Variants in SUCLG2 observed in about 807,000 individuals in gnomAD.
SUCLG2 encodes succinate--CoA ligase [GDP-forming] subunit beta, mitochondrial.
Under a neutral mutation model 47.9 loss-of-function variants are expected in SUCLG2, and 42 were observed. That is an observed-to-expected ratio of 0.88 (90% confidence interval 0.69 to 1.14). The LOEUF (loss-of-function observed/expected upper bound fraction) is 1.14. Among genes scored for constraint, SUCLG2 ranks in the 50% most tolerant of loss-of-function variants. The pLI is 0.00. For synonymous variants in SUCLG2, 195 were observed against 197.3 expected (o/e 0.99, Z 0.10); for missense variants, 571 against 525.9 (o/e 1.09, Z -0.84).
intron 10 of SUCLG2, among the ~76,000 whole-genome samples, chr3:67,388,160 G>A (rs1317532365): frequency 2.6e-5 from 4 of 152,210 alleles, no homozygotes; most frequent in African/African-American, 9.6e-5. Context: ...GGAATTGAAT[G>A]TGATAGCTCA....
At chr3:67,490,776 A>G (rs1705183265) in intron 9 of SUCLG2, among the ~76,000 whole-genome samples, 1 of 152,204 alleles carries the variant, frequency 6.6e-6, no homozygotes, top group Non-Finnish European at 1.5e-5. Flanking sequence ...TCATGTCTAT[A>G]GATGAGGTAA....
intron 2 of SUCLG2, among the ~76,000 whole-genome samples, chr3:67,593,134 A>G (rs1473389668): frequency 6.6e-6 from 1 of 152,268 alleles, no homozygotes; most frequent in African/African-American, 2.4e-5. Context: ...GGTTTTAAAG[A>G]TAGATACCAC....
intron 6 of SUCLG2, among the ~76,000 whole-genome samples, chr3:67,515,344 T>C (rs1176450582): frequency 6.6e-6 from 1 of 152,164 alleles, no homozygotes; most frequent in Non-Finnish European, 1.5e-5. Context: ...CCTCCACAGA[T>C]AAGGGGGAAC....
intron 1 of SUCLG2, among the ~76,000 whole-genome samples, chr3:67,620,503 T>G (rs1700715192): frequency 7.2e-6 from 1 of 139,188 alleles, no homozygotes; most frequent in Non-Finnish European, 1.5e-5. Flanking sequence ...GAGAACAGCT[T>G]GAACGCAGGA....
chr3:67,592,737 CAACAAA>C (rs1386374184), intron 2 of SUCLG2, among the ~76,000 whole-genome samples: 5 of 35,278 alleles, frequency 1.4e-4, no homozygotes, highest in African/African-American at 3.8e-4. Context: ...AAAAAAAAAA[CAACAAA>C]AAAAAACTGA....
At chr3:67,382,187 T>C (rs138064702) in intron 10 of SUCLG2, among the ~76,000 whole-genome samples, 426 of 152,316 alleles carry the variant, frequency 2.8e-3, no homozygotes, top group African/African-American at 9.6e-3. Context: ...TTAAGGGATT[T>C]ACAAGTATCA....
chr3:67,563,959 C>CAAAAAAAAAAAAAAA (rs756674869), intron 2 of SUCLG2, among the ~76,000 whole-genome samples: 3 of 78,184 alleles, frequency 3.8e-5, no homozygotes, highest in African/African-American at 9.1e-5. Context: ...GACTCTGTCT[C>CAAAAAAAAAAAAAAA]AAAAAAAAAA....
chr3:67,584,694 G>C (rs1365705745), intron 2 of SUCLG2, among the ~76,000 whole-genome samples: 2 of 152,156 alleles, frequency 1.3e-5, no homozygotes, highest in African/African-American at 2.4e-5. Flanking sequence ...AAGGAAAGAG[G>C]TTTAATTAAC....
chr3:67,555,948 G>A (rs1022642534), intron 2 of SUCLG2, among the ~76,000 whole-genome samples: 4 of 152,206 alleles, frequency 2.6e-5, no homozygotes, highest in Admixed American at 6.5e-5. Context: ...GACAGGCCAT[G>A]TGCCTTCTGA....
intron 10 of SUCLG2, among the ~76,000 whole-genome samples, chr3:67,398,517 A>C (rs1360426716): frequency 6.6e-6 from 1 of 151,858 alleles, no homozygotes; most frequent in Non-Finnish European, 1.5e-5. Context: ...AAAGTCAGGA[A>C]ACAACAGGTG....
chr3:67,555,289 G>C (rs935684208), intron 2 of SUCLG2, among the ~76,000 whole-genome samples: 1 of 152,082 alleles, frequency 6.6e-6, no homozygotes, highest in Non-Finnish European at 1.5e-5. Context: ...GGTTGCAGAT[G>C]CATGTTTATG....
chr3:67,516,894 A>AGGGCTCTT (rs1357381995), intron 6 of SUCLG2, among the ~76,000 whole-genome samples: 2 of 152,242 alleles, frequency 1.3e-5, no homozygotes, highest in African/African-American at 4.8e-5. Context: ...CCACTGCTAC[A>AGGGCTCTT]GGAGAAGCCC....
chr3:67,413,432 G>A (rs181197036), intron 9 of SUCLG2, among the ~76,000 whole-genome samples: 2 of 152,266 alleles, frequency 1.3e-5, no homozygotes, highest in Admixed American at 1.3e-4. Flanking sequence ...AGACAAACTC[G>A]AGAAGATGGT....
chr3:67,436,061 T>C (rs1430107472), intron 9 of SUCLG2, among the ~76,000 whole-genome samples: 3 of 152,110 alleles, frequency 2.0e-5, no homozygotes, highest in African/African-American at 7.2e-5. Context: ...TCTAAAAAAA[T>C]TAAGGGCAAA....
At chr3:67,611,881 G>A (rs9836781) in intron 1 of SUCLG2, among the ~76,000 whole-genome samples, 74,092 of 152,014 alleles carry the variant, frequency 0.49, 18,974 homozygotes, top group African/African-American at 0.64. Context: ...CTTGAAGTCT[G>A]TTGCTCTTAA....
chr3:67,554,617 C>G (rs1228849255), intron 2 of SUCLG2, among the ~76,000 whole-genome samples: 2 of 151,954 alleles, frequency 1.3e-5, no homozygotes, highest in Non-Finnish European at 2.9e-5. Flanking sequence ...GTTAAGGGAC[C>G]AAAAAATTAA....
intron 2 of SUCLG2, among the ~76,000 whole-genome samples, chr3:67,570,862 T>C (rs760018896): frequency 3.3e-5 from 5 of 152,212 alleles, no homozygotes; most frequent in Non-Finnish European, 2.9e-5. Flanking sequence ...AATGTAATAG[T>C]AATCATGAGC....
chr3:67,547,059 G>T (rs533522298), intron 2 of SUCLG2, among the ~76,000 whole-genome samples: 1 of 152,100 alleles, frequency 6.6e-6, no homozygotes, highest in Non-Finnish European at 1.5e-5. Context: ...TGGGTCTCTT[G>T]TACCCCAAAA....
At chr3:67,585,500 G>T (rs1017981593) in intron 2 of SUCLG2, among the ~76,000 whole-genome samples, 3 of 152,166 alleles carry the variant, frequency 2.0e-5, no homozygotes, top group Non-Finnish European at 4.4e-5. Context: ...TGCTTAGAGA[G>T]CAGGCAAAGG....
Sources: gnomAD v4.1 joint callset for allele counts (sites outside exome capture counted in the v4.1 genomes callset) on GRCh38, gnomAD v4.1.1 for gene constraint, MANE v1.5 for transcripts, NCBI Gene and HGNC (gene_info 2026-07-23, HGNC 2026-07-21) for gene names.